The following LAMA3 variants were observed in gnomAD, a reference collection of about 807,000 sequenced individuals.
The protein encoded by LAMA3 is laminin subunit alpha-3.
A neutral mutation model predicts 402.0 loss-of-function variants in LAMA3; 281 were observed. The observed-to-expected ratio is 0.70, with a 90% CI of 0.63 to 0.77. The LOEUF (loss-of-function observed/expected upper bound fraction) is 0.77, where lower values mean the gene tolerates loss of function less well. Among genes scored for constraint, LAMA3 ranks in the 30% least tolerant of loss-of-function variants. LAMA3 has a pLI of 0.00. For missense variants in LAMA3, 3,840 were observed against 4,215.5 expected (o/e 0.91, Z 2.47); for synonymous variants, 1,431 against 1,558.4 (o/e 0.92, Z 1.93).
At chr18:23,943,576 G>A (rs2082600364) in intron 68 of LAMA3, among the ~76,000 whole-genome samples, 1 of 152,150 alleles carries the variant, frequency 6.6e-6, no homozygotes, top group South Asian at 2.1e-4. Flanking sequence ...CCCCAATGTA[G>A]TAAGGAAATT....
chr18:23,950,909 A>G (rs1049002909), intron 72 of LAMA3, among the ~76,000 whole-genome samples: 1 of 152,182 alleles, frequency 6.6e-6, no homozygotes, highest in African/African-American at 2.4e-5. Flanking sequence ...GGAGCTGGAG[A>G]GAGTCTCTAC....
At position 23,904,692 on chromosome 18, in the gene LAMA3, C is replaced by T; in HGVS notation, c.6613C>T (p.Gln2205Ter). Residue 2205 changes from glutamine (Q) to a stop codon, truncating the protein, a stop_gained and splice_region_variant, in exon 51 of 75, where the codon CAG becomes TAG. Coordinates refer to ENST00000313654, the MANE Select transcript of LAMA3 (RefSeq NM_198129.4). LOFTEE classifies it high-confidence loss of function. ...RAASASESAL[Q>*]TVIKEDLPRK... ...TGCCAGTGCATCTGAATCTGCCCTC[C>T]AGGTGGGCACCTGTACCAGCAGCTT... is the stretch of plus-strand genomic sequence containing the variant. The T allele has an allele frequency of 6.2e-7, 1 of 1,614,032 alleles. No individual in the cohort carries two copies. Among genetic ancestry groups the T allele is most frequent in the South Asian group, 1.1e-5 (1 of 91,056 alleles).
At chr18:23,796,465 G>T (rs1403112741) in intron 12 of LAMA3, among the ~76,000 whole-genome samples, 1 of 152,174 alleles carries the variant, frequency 6.6e-6, no homozygotes, top group African/African-American at 2.4e-5. Flanking sequence ...AAAACTATGT[G>T]TCAGTAAAAT....
intron 32 of LAMA3, among the ~76,000 whole-genome samples, chr18:23,854,877 C>T (rs374484978): frequency 1.6e-4 from 23 of 141,146 alleles, no homozygotes; most frequent in East Asian, 1.4e-3. Flanking sequence ...CCCAGCTACT[C>T]GGGAGGCTGA....
chr18:23,938,826 G>A (rs572672959), intron 67 of LAMA3, among the ~76,000 whole-genome samples: 33 of 152,150 alleles, frequency 2.2e-4, no homozygotes, highest in Non-Finnish European at 3.4e-4. Context: ...CCCAAAGGAG[G>A]GAGAGAAAGG....
At position 23,814,395 on chromosome 18, in the gene LAMA3, A is replaced by G. The variant is rs770364822; in HGVS notation, c.1789-8A>G. 2 of 1,590,294 alleles carry G rather than the reference A, an allele frequency of 1.3e-6. No homozygotes were observed. Among genetic ancestry groups the G allele is most frequent in the Admixed American group, 1.7e-5 (1 of 59,994 alleles). ...GATGTCAAATGTTTGTTTGATTTTC[A>G]TTCAAAGGGGTATTGCCAATGCAAG... On this transcript the variant is annotated splice_region_variant and splice_polypyrimidine_tract_variant and intron_variant, in intron 14 of 74. Transcript: ENST00000313654.
In LAMA3 at chr18:23,746,541, C is replaced by T. The variant is rs542226448; in HGVS notation, c.448-1402C>T. On this transcript the variant is annotated intron_variant, in intron 2 of 74. Coordinates refer to ENST00000313654, the MANE Select transcript of LAMA3 (RefSeq NM_198129.4). Reference sequence around the variant, plus strand: ...TTCTCCTATTAAGCCCCAAACTCAGCGAGCTTAACAAAAATGTAAAGCAAT... The same window carrying T: ...TTCTCCTATTAAGCCCCAAACTCAGTGAGCTTAACAAAAATGTAAAGCAAT... Among the ~76,000 whole-genome samples, 5 of 152,118 alleles carry T rather than the reference C, an allele frequency of 3.3e-5. No homozygotes were observed. In the East Asian group the frequency reaches 5.8e-4, roughly 18 times the overall value.
intron 27 of LAMA3, 37 bp from the exon 28 acceptor site, chr18:23,842,358 G>T: frequency 6.2e-7 from 1 of 1,613,514 alleles, no homozygotes; most frequent in Non-Finnish European, 8.5e-7. Flanking sequence ...CAGCTTGAGG[G>T]TTTTTAATTT....
chr18:23,694,927 C>T (rs1162639128), intron 1 of LAMA3, among the ~76,000 whole-genome samples: 1 of 152,200 alleles, frequency 6.6e-6, no homozygotes, highest in Non-Finnish European at 1.5e-5. Flanking sequence ...TTGTCTTAGA[C>T]ACCCCATCAA....
At chr18:23,806,009 C>A (rs1363516630) in intron 12 of LAMA3, among the ~76,000 whole-genome samples, 1 of 152,144 alleles carries the variant, frequency 6.6e-6, no homozygotes, top group Non-Finnish European at 1.5e-5. Flanking sequence ...ACAACTCTTC[C>A]ACTTCTACAA....
In LAMA3 at chr18:23,890,278, C is replaced by T. The variant is rs1306893070; in HGVS notation, c.5410+161C>T. On this transcript the variant is annotated intron_variant, in intron 42 of 74. Coordinates refer to ENST00000313654, the MANE Select transcript of LAMA3 (RefSeq NM_198129.4). ...ACACAATTCCAGCCAGCAAGCTGTC[C>T]CCTTGTTTTGACAAACCTGGGAATG... 6.6e-6 allele frequency among the ~76,000 whole-genome samples: 1 copy of T among 152,174 alleles called. No homozygotes were observed. The highest frequency in any genetic ancestry group is 1.5e-5 in the Non-Finnish European group (1 of 68,040).
rs1449525608 is a variant in LAMA3, at chr18:23,951,742, A to G, written c.9701A>G (p.Gln3234Arg). 1 of 1,613,760 alleles carries G rather than the reference A, an allele frequency of 6.2e-7. No individual in the cohort carries two copies. The highest frequency in any genetic ancestry group is 1.3e-5 in the African/African-American group (1 of 74,828). The change falls in exon 73 of 75, where the codon CAG becomes CGG. Residue 3234 changes from glutamine (Q) to arginine (R), a missense_variant. Transcript: ENST00000313654. ...ACCTCAACGTCGGTCACACCAAAGC[A>G]GTCTCTGTGTGATGGACAGTGGCAC... Reference protein sequence around the residue: ...GGTSTSVTPKQSLCDGQWHSV... With the variant: ...GGTSTSVTPKRSLCDGQWHSV...
Position 23,954,800 on chromosome 18 carries a change from C to T in LAMA3, c.*152C>T, listed in dbSNP as rs904376610. ...ATTTTGAATTCTGACCATGGATACC[C>T]ATCACTTTGGCATTCAGTGCTACAT... On this transcript the variant is annotated 3_prime_UTR_variant, in exon 75 of 75. Coordinates refer to ENST00000313654, the MANE Select transcript of LAMA3 (RefSeq NM_198129.4). 2.5e-6 allele frequency: 2 copies of T among 788,912 alleles called. No homozygotes were observed. Among genetic ancestry groups the T allele is most frequent in the Non-Finnish European group, 2.2e-6 (1 of 459,182 alleles). 48.9% of individuals were successfully genotyped at this position (788,912 alleles called of 1,614,324 possible). A position where few individuals can be genotyped will look rare whatever the true frequency, so the allele number is the denominator to read the frequency against.
At chr18:23,882,569 C>T (rs2064935918) in intron 40 of LAMA3, among the ~76,000 whole-genome samples, 1 of 151,540 alleles carries the variant, frequency 6.6e-6, no homozygotes, top group African/African-American at 2.4e-5. Context: ...GAGATTGTAC[C>T]ACTGCACTCC....
In LAMA3 at chr18:23,953,009, C is replaced by T; in HGVS notation, c.9756C>T (p.Ile3252=). The change falls in exon 74 of 75, where the codon ATC becomes ATT. Residue 3252 remains isoleucine (I), a synonymous_variant. Transcript: ENST00000313654. The part of the protein sequence containing the change: ...HSVAVTIKQH[I]LHLELDTDSS... ...CCCCAGTCACCATAAAACAACACAT[C>T]CTGCACCTGGAACTGGACACAGACA... 1.2e-6 allele frequency: 2 copies of T among 1,614,120 alleles called. No individual in the cohort carries two copies. The highest frequency in any genetic ancestry group is 1.1e-5 in the South Asian group (1 of 91,076).
Position 23,954,644 on chromosome 18 carries a change from AG to A in LAMA3, c.9999del (p.Gln3333HisfsTer17). The A allele has an allele frequency of 6.2e-7, 1 of 1,614,138 alleles. No individual in the cohort carries two copies. The highest frequency in any genetic ancestry group is 1.1e-5 in the South Asian group (1 of 91,076). The stretch of plus-strand genomic sequence containing the variant: ...GTCAGTCTGAATGGTTGTCCTGACC[AG>A]TAACCCAAGCCTATTTCACAGCAAG... ...GPVSLNGCPD[Q>X] On this transcript the variant is annotated frameshift_variant, in exon 75 of 75. Transcript: ENST00000313654. LOFTEE classifies it high-confidence loss of function.
At position 23,931,157 on chromosome 18, in the gene LAMA3, G is replaced by A. The variant is rs767865003; in HGVS notation, c.8532G>A (p.Met2844Ile). The change falls in exon 65 of 75, where the codon ATG becomes ATA. Residue 2844 changes from methionine to isoleucine, a missense_variant. Physicochemically the swap from Met to Ile is conservative, Grantham distance 10. This residue lies in a region of LAMA3 where 840 missense variants were observed against 981.9 expected (regional missense o/e 0.86). Transcript: ENST00000313654. ...TTTTTAAATCTCCACAGACGTATATGGATGGTTTACTGCATTATGTATCTG... is the reference window on the plus strand; with the variant it reads ...TTTTTAAATCTCCACAGACGTATATAGATGGTTTACTGCATTATGTATCTG... ...GPIFKSPQTY[M>I]DGLLHYVSVI... 3.7e-6 allele frequency: 6 copies of A among 1,613,140 alleles called. No homozygotes were observed. The South Asian group carries it at 5.5e-5, about 15-fold the overall frequency.
At chr18:23,919,512 G>T (rs1481254967) in intron 60 of LAMA3, among the ~76,000 whole-genome samples, 1 of 152,254 alleles carries the variant, frequency 6.6e-6, no homozygotes, top group African/African-American at 2.4e-5. Context: ...TCACAACTGT[G>T]AAGAGCTGTA....
In LAMA3 at chr18:23,842,759, C is replaced by T; in HGVS notation, c.3603+9C>T. 1.2e-6 allele frequency: 2 copies of T among 1,614,110 alleles called. No homozygotes were observed. The highest frequency in any genetic ancestry group is 8.5e-7 in the Non-Finnish European group (1 of 1,180,016). On this transcript the variant is annotated intron_variant, in intron 29 of 74. Transcript: ENST00000313654. The stretch of plus-strand genomic sequence containing the variant: ...GAAAGTCCTTGGTTTTGGTGCGTTC[C>T]ACTCGTTCCTCAACTTGCTCCTCAC...
Sources: gnomAD v4.1 joint callset for allele counts (sites outside exome capture counted in the v4.1 genomes callset) on GRCh38, gnomAD v4.1.1 for gene constraint, gnomAD v4.1.1 regional missense constraint, MANE v1.5 for transcripts, NCBI Gene and HGNC (gene_info 2026-07-23, HGNC 2026-07-21) for gene names.